The following SEC14L2 variants were observed in gnomAD, a reference collection of about 807,000 sequenced individuals.
SEC14L2 encodes the protein SEC14-like protein 2.
A neutral mutation model predicts 56.9 loss-of-function variants in SEC14L2; 50 were observed. The ratio of observed to expected loss-of-function variants is 0.88; its 90% CI spans 0.70 to 1.11. The LOEUF (loss-of-function observed/expected upper bound fraction) is 1.11. Ranked by LOEUF, SEC14L2 falls within the 50% of genes most tolerant of loss-of-function variation. The pLI is 0.00. For missense variants in SEC14L2, 414 were observed against 500.7 expected (o/e 0.83, Z 1.65); for synonymous variants, 179 against 188.5 (o/e 0.95, Z 0.41).
intron 1 of SEC14L2, among the ~76,000 whole-genome samples, chr22:30,399,190 A>G (rs879690658): frequency 6.6e-6 from 1 of 152,090 alleles, no homozygotes; most frequent in African/African-American, 2.4e-5. Context: ...ATGAGTGCCC[A>G]GGGAGTGTCT....
intron 8 of SEC14L2, among the ~76,000 whole-genome samples, chr22:30,411,998 A>G (rs1934263042): frequency 6.6e-6 from 1 of 152,188 alleles, no homozygotes; most frequent in African/African-American, 2.4e-5. Context: ...AAAGAAGAGC[A>G]TTGAACAAAG....
intron 8 of SEC14L2, among the ~76,000 whole-genome samples, chr22:30,411,705 C>T (rs750024971): frequency 7.2e-6 from 1 of 139,664 alleles, no homozygotes; most frequent in African/African-American, 2.7e-5. Flanking sequence ...CGAGATTGCA[C>T]CACTGCACTC....
In SEC14L2 at chr22:30,425,029, T is replaced by C. The variant is rs577267271; in HGVS notation, c.*2622T>C. 19 of 350,104 alleles carry C rather than the reference T, an allele frequency of 5.4e-5. No individual in the cohort carries two copies. The highest frequency in any genetic ancestry group is 3.6e-4 in the African/African-American group (17 of 46,714). The allele number at this position is 350,104 out of a possible 1,614,324, so 21.7% of individuals were successfully genotyped here. A position where few individuals can be genotyped will look rare whatever the true frequency, so the allele number is the denominator to read the frequency against. On this transcript the variant is annotated 3_prime_UTR_variant, in exon 12 of 12. Coordinates refer to ENST00000615189, the MANE Select transcript of SEC14L2 (RefSeq NM_012429.5). ...GGACTCCAGAGTCCAGGCACCTACC[T>C]CCCAGGGGCTCACCGTTCACTCCTC...
Position 30,416,009 on chromosome 22 carries a change from A to G in SEC14L2, c.833A>G (p.Tyr278Cys). 6.2e-7 allele frequency: 1 copy of G among 1,614,234 alleles called. No homozygotes were observed. Among genetic ancestry groups the G allele is most frequent in the Non-Finnish European group, 8.5e-7 (1 of 1,180,046 alleles). Reference protein sequence around the residue: ...YYVRDQVKQQYEHSVQISRGS... With the variant: ...YYVRDQVKQQCEHSVQISRGS... ...GTGCGAGACCAGGTGAAACAGCAGT[A>G]TGAACACAGCGTGCAGATTTCCCGT... is the stretch of plus-strand genomic sequence containing the variant. The change falls in exon 10 of 12, where the codon TAT becomes TGT. Residue 278 changes from tyrosine (Y) to cysteine (C), a missense_variant. Physicochemically the swap from Tyr to Cys is radical, Grantham distance 194. Transcript: ENST00000615189.
intron 11 of SEC14L2, among the ~76,000 whole-genome samples, chr22:30,419,088 C>A (rs1656344809): frequency 6.6e-6 from 1 of 152,204 alleles, no homozygotes; most frequent in South Asian, 2.1e-4. Flanking sequence ...TAGAAGTGCA[C>A]AATGTGGTCA....
At chr22:30,398,730 C>T (rs11089447) in intron 1 of SEC14L2, 114,029 of 471,176 alleles carry the variant, frequency 0.24, 15,615 homozygotes, top group South Asian at 0.42. Flanking sequence ...CCTCTTTCTT[C>T]CCTCTGCTCC....
rs1934635850 is a variant in SEC14L2, at chr22:30,425,192, G to A, written c.*2785G>A. On this transcript the variant is annotated 3_prime_UTR_variant, in exon 12 of 12. Transcript: ENST00000615189. ...TCTCTGTGCCTCCATTTTCTCACCT[G>A]TAAAACGGGCTCCCAGGCTGGTGGG... 21 of 208,278 alleles carry A rather than the reference G, an allele frequency of 1.0e-4. 2 individuals carry two copies. In the South Asian group the frequency reaches 1.3e-3, roughly 13 times the overall value. The allele number at this position is 208,278 out of a possible 1,614,324, so 12.9% of individuals were successfully genotyped here.
At chr22:30,418,138 G>A (rs28671732) in intron 11 of SEC14L2, among the ~76,000 whole-genome samples, 4 of 151,944 alleles carry the variant, frequency 2.6e-5, no homozygotes, top group African/African-American at 7.3e-5. Context: ...GGCTGGTCTC[G>A]AACTCCTGGG....
intron 5 of SEC14L2, chr22:30,408,895 C>T (rs1934170501): frequency 2.1e-6 from 1 of 465,482 alleles, no homozygotes; most frequent in South Asian, 2.0e-5. Context: ...CACAGTGACT[C>T]AGGAAGGGGG....
At chr22:30,399,468 T>C (rs1037640802) in intron 1 of SEC14L2, among the ~76,000 whole-genome samples, 175 bp from the exon 2 acceptor site, 21 of 128,070 alleles carry the variant, frequency 1.6e-4, no homozygotes, top group African/African-American at 6.5e-4. Context: ...GGAGTGGAGA[T>C]CGCCCACCGC....
At position 30,411,799 on chromosome 22, in the gene SEC14L2, C is replaced by T. The variant is rs75033765; in HGVS notation, c.664+1120C>T. 4.2e-3 allele frequency among the ~76,000 whole-genome samples: 606 copies of T among 145,290 alleles called. 2 individuals carry two copies. Among genetic ancestry groups the T allele is most frequent in the South Asian group, 9.6e-3 (44 of 4,578 alleles). On this transcript the variant is annotated intron_variant, in intron 8 of 11. Transcript: ENST00000615189. ...AGGTCTTTTGGCCTCTCTGGGAAAGCAGACACAAACAAATCTATCAGTATG... is the reference window on the plus strand; with the variant it reads ...AGGTCTTTTGGCCTCTCTGGGAAAGTAGACACAAACAAATCTATCAGTATG...
chr22:30,415,198 G>A (rs1409000309), intron 8 of SEC14L2, among the ~76,000 whole-genome samples: 4 of 152,148 alleles, frequency 2.6e-5, no homozygotes, highest in Non-Finnish European at 5.9e-5. Context: ...TTGGGAGGCC[G>A]AGGTGGGTGG....
intron 7 of SEC14L2, among the ~76,000 whole-genome samples, 169 bp downstream of exon 7, chr22:30,409,655 T>C (rs1934195816): frequency 6.6e-6 from 1 of 152,170 alleles, no homozygotes; most frequent in Non-Finnish European, 1.5e-5. Flanking sequence ...CCCAGCACTT[T>C]GGGAGGCCGA....
At position 30,424,182 on chromosome 22, in the gene SEC14L2, C is replaced by G; in HGVS notation, c.*1775C>G. On this transcript the variant is annotated 3_prime_UTR_variant, in exon 12 of 12. Transcript: ENST00000615189. ...CGAGCCAAGTGTGAGTCCGGGCGAG[C>G]GCCTGCGGAGCTAGCACTGGGCCCA... 6.4e-6 allele frequency: 1 copy of G among 156,388 alleles called. No homozygotes were observed. The highest frequency in any genetic ancestry group is 1.8e-4 in the South Asian group (1 of 5,696). The allele number at this position is 156,388 out of a possible 1,614,324, so 9.7% of individuals were successfully genotyped here.
rs1934633085 is a variant in SEC14L2 at position 30,425,087 on chromosome 22, G to A, written c.*2680G>A. ...ATTTAGAGCTCGCATTAAGAGCACG[G>A]GATCTGGATCCACACTGTTTGGATT... On this transcript the variant is annotated 3_prime_UTR_variant, in exon 12 of 12. Transcript: ENST00000615189. The A allele has an allele frequency of 1.2e-5, 3 of 254,120 alleles. No homozygotes were observed. The highest frequency in any genetic ancestry group is 3.7e-5 in the South Asian group (1 of 27,076). 15.7% of individuals were successfully genotyped at this position (254,120 alleles called of 1,614,324 possible). A position where few individuals can be genotyped will look rare whatever the true frequency, so the allele number is the denominator to read the frequency against.
At chr22:30,403,085 T>TAAAAC (rs761212229) in intron 2 of SEC14L2, among the ~76,000 whole-genome samples, 16 of 151,878 alleles carry the variant, frequency 1.1e-4, no homozygotes, top group Non-Finnish European at 1.6e-4. Context: ...TCAAAGAAAA[T>TAAAAC]AAAACAAAAC....
Position 30,424,020 on chromosome 22 carries a change from T to G in SEC14L2, c.*1613T>G, listed in dbSNP as rs1934600369. 2 of 152,330 alleles carry G rather than the reference T, an allele frequency of 1.3e-5. No homozygotes were observed. The highest frequency in any genetic ancestry group is 2.9e-5 in the Non-Finnish European group (2 of 68,098). 9.4% of individuals were successfully genotyped at this position (152,330 alleles called of 1,614,324 possible). ...CTTTCCCAAGGGGCCACGCCCAGCTTGCCTTCTGATTGGTCCAGCTGGTGG... is the reference window on the plus strand; with the variant it reads ...CTTTCCCAAGGGGCCACGCCCAGCTGGCCTTCTGATTGGTCCAGCTGGTGG... On this transcript the variant is annotated 3_prime_UTR_variant, in exon 12 of 12. Transcript: ENST00000615189.
In SEC14L2 at chr22:30,398,949, A is replaced by G. The variant is rs1933838935; in HGVS notation, c.55-694A>G. 1.0e-5 allele frequency: 4 copies of G among 388,142 alleles called. No homozygotes were observed. The Admixed American group carries it at 1.1e-4, about 11-fold the overall frequency. 24.0% of individuals were successfully genotyped at this position (388,142 alleles called of 1,614,324 possible). On this transcript the variant is annotated intron_variant, in intron 1 of 11. Coordinates refer to ENST00000615189, the MANE Select transcript of SEC14L2 (RefSeq NM_012429.5). ...ACGGGTTGTGAGTGAGGAGTAAATAAGCTATGGTGCCAAGATCAGCGCTGA... is the reference window on the plus strand; with the variant it reads ...ACGGGTTGTGAGTGAGGAGTAAATAGGCTATGGTGCCAAGATCAGCGCTGA...
chr22:30,404,328 C>T (rs999063828), intron 2 of SEC14L2, among the ~76,000 whole-genome samples: 1 of 152,188 alleles, frequency 6.6e-6, no homozygotes, highest in East Asian at 1.9e-4. Context: ...GTGTCCGGCA[C>T]CTGTGATGGG....
Sources: allele counts gnomAD v4.1 joint callset (sites outside exome capture counted in the v4.1 genomes callset), GRCh38; gene constraint gnomAD v4.1.1; transcripts MANE v1.5; gene names NCBI Gene and HGNC (gene_info 2026-07-23, HGNC 2026-07-21).